C13orf42: variants seen among roughly 807,000 people sequenced by gnomAD.
C13orf42 encodes the protein chromosome 13 open reading frame 42, also known as uncharacterized protein C13orf42.
At chr13:51,139,042 T>TG (rs1953678002) in intron 1 of C13orf42, among the ~76,000 whole-genome samples, 1 of 151,996 alleles carries the variant, frequency 6.6e-6, no homozygotes, top group Non-Finnish European at 1.5e-5. Context: ...TCCGGCCGGG[T>TG]GCAGTAGTTC....
intron 1 of C13orf42, among the ~76,000 whole-genome samples, chr13:51,159,921 G>A (rs985279411): frequency 5.9e-5 from 9 of 152,162 alleles, no homozygotes; most frequent in Admixed American, 4.6e-4. Context: ...TCATGGCGGA[G>A]GGTGAAAGAT....
intron 1 of C13orf42, among the ~76,000 whole-genome samples, chr13:51,159,220 A>G (rs1265447467): frequency 6.6e-6 from 1 of 152,236 alleles, no homozygotes; most frequent in Non-Finnish European, 1.5e-5. Context: ...ACAGTATGCC[A>G]ACTCTCAGGG....
chr13:51,119,270 G>C (rs1467848013), intron 1 of C13orf42, among the ~76,000 whole-genome samples: 1 of 152,086 alleles, frequency 6.6e-6, no homozygotes, highest in East Asian at 1.9e-4. Context: ...TTTCAGAACT[G>C]GTTCAGTCAA....
intron 1 of C13orf42, among the ~76,000 whole-genome samples, chr13:51,128,470 G>A (rs1319359381): frequency 6.6e-6 from 1 of 152,204 alleles, no homozygotes; most frequent in African/African-American, 2.4e-5. Context: ...CCTGGGTAAA[G>A]GATGGGATTG....
At chr13:51,136,099 TGGTCTCCCCCA>T (rs1593547507) in intron 1 of C13orf42, among the ~76,000 whole-genome samples, 1 of 152,230 alleles carries the variant, frequency 6.6e-6, no homozygotes, top group East Asian at 1.9e-4. Flanking sequence ...GCCCACCCTC[TGGTCTCCCCCA>T]GGCCTCCCAC....
At chr13:51,094,074 A>T (rs1953208717) in intron 1 of C13orf42, among the ~76,000 whole-genome samples, 1 of 151,830 alleles carries the variant, frequency 6.6e-6, no homozygotes, top group African/African-American at 2.4e-5. Flanking sequence ...GACAGCAAGA[A>T]CTCTTTCATG....
At chr13:51,118,259 T>C (rs187679645) in intron 1 of C13orf42, among the ~76,000 whole-genome samples, 212 of 149,840 alleles carry the variant, frequency 1.4e-3, no homozygotes, top group Admixed American at 2.2e-3. Context: ...AGTAGTGACA[T>C]TGAGGGAAAA....
At chr13:51,102,270 C>T (rs1178114797) in intron 1 of C13orf42, among the ~76,000 whole-genome samples, 1 of 152,132 alleles carries the variant, frequency 6.6e-6, no homozygotes. Flanking sequence ...AAATAATTAT[C>T]AATGGTGTAA....
At chr13:51,124,159 A>G (rs189259400) in intron 1 of C13orf42, among the ~76,000 whole-genome samples, 1 of 152,278 alleles carries the variant, frequency 6.6e-6, no homozygotes, top group Non-Finnish European at 1.5e-5. Flanking sequence ...GGCCCCACCC[A>G]GGAACTGACT....
At chr13:51,114,482 A>G (rs1002353073), upstream of C13orf42, among the ~76,000 whole-genome samples, 9 of 152,126 alleles carry the variant, frequency 5.9e-5, no homozygotes, top group African/African-American at 2.2e-4. Context: ...GATTCCACAT[A>G]TAGTGAGATC....
At chr13:51,167,691 A>C (rs972221854) in intron 1 of C13orf42, among the ~76,000 whole-genome samples, 9 of 152,202 alleles carry the variant, frequency 5.9e-5, no homozygotes, top group Non-Finnish European at 1.3e-4. Context: ...TGATTTAAAA[A>C]GTCTCAGGGC....
At chr13:51,161,087 C>CTT in intron 1 of C13orf42, among the ~76,000 whole-genome samples, 1 of 101,660 alleles carries the variant, frequency 9.8e-6, no homozygotes, top group East Asian at 4.7e-4. Flanking sequence ...GGACTTTTTT[C>CTT]TTTTTTTTTT....
At chr13:51,159,599 C>A (rs980785555) in intron 1 of C13orf42, among the ~76,000 whole-genome samples, 1 of 152,162 alleles carries the variant, frequency 6.6e-6, no homozygotes, top group Non-Finnish European at 1.5e-5. Flanking sequence ...CACTGCTGTG[C>A]TGAGATCTCA....
intron 1 of C13orf42, among the ~76,000 whole-genome samples, chr13:51,137,913 T>C (rs1432160243): frequency 1.3e-5 from 2 of 152,214 alleles, no homozygotes; most frequent in Admixed American, 6.5e-5. Context: ...TACTTACAAA[T>C]GTGCCATGGA....
At chr13:51,110,359 G>A (rs771301376) in intron 1 of C13orf42, among the ~76,000 whole-genome samples, 4 of 152,082 alleles carry the variant, frequency 2.6e-5, no homozygotes, top group African/African-American at 4.8e-5. Flanking sequence ...ATATGGTGCC[G>A]CCTGACACCA....
At chr13:51,098,093 T>C (rs556544766) in intron 1 of C13orf42, among the ~76,000 whole-genome samples, 1 of 152,322 alleles carries the variant, frequency 6.6e-6, no homozygotes, top group East Asian at 1.9e-4. Context: ...TGTTTCTCAT[T>C]TCAATTTCCA....
chr13:51,101,381 T>G (rs528356762), intron 1 of C13orf42, among the ~76,000 whole-genome samples: 1 of 152,214 alleles, frequency 6.6e-6, no homozygotes, highest in African/African-American at 2.4e-5. Flanking sequence ...TATAAGCAAA[T>G]ATAACTTTAT....
At chr13:51,151,983 T>C (rs941398668) in intron 1 of C13orf42, among the ~76,000 whole-genome samples, 3 of 152,150 alleles carry the variant, frequency 2.0e-5, no homozygotes, top group African/African-American at 7.2e-5. Context: ...AAATGCAGAA[T>C]CTCTGGCCCA....
chr13:51,147,875 G>A (rs369958923), intron 1 of C13orf42, among the ~76,000 whole-genome samples: 30 of 152,256 alleles, frequency 2.0e-4, no homozygotes, highest in East Asian at 7.7e-4. Flanking sequence ...AGGGAGGAAC[G>A]GGTCTGTGGC....
Sources: gnomAD v4.1 joint callset for allele counts (sites outside exome capture counted in the v4.1 genomes callset) on GRCh38, gnomAD v4.1.1 for gene constraint, MANE v1.5 for transcripts, NCBI Gene and HGNC (gene_info 2026-07-23, HGNC 2026-07-21) for gene names.